Variants in LTV1 observed in about 807,000 individuals in gnomAD.
The protein encoded by LTV1 is LTV1 ribosome biogenesis factor, also known as protein LTV1 homolog.
LTV1 carries 39 observed loss-of-function variants against 59.9 expected under a neutral mutation model. The ratio of observed to expected loss-of-function variants is 0.65; its 90% confidence interval spans 0.50 to 0.85. The LOEUF is 0.85. Ranked by LOEUF, LTV1 falls within the 40% of genes least tolerant of loss-of-function variation. LTV1 has a pLI of 0.00. For missense variants in LTV1, 493 were observed against 549.1 expected, an observed-to-expected ratio of 0.90 and a Z score of 1.02; for synonymous variants, 171 against 189.5, an observed-to-expected ratio of 0.90 and a Z score of 0.80.
chr6:143,863,516 C>T lies in LTV1; in HGVS notation c.1417C>T (p.Leu473=). The T allele has an allele frequency of 6.2e-7, 1 of 1,612,228 alleles. No homozygotes were observed. Among genetic ancestry groups the T allele is most frequent in the East Asian group, 2.2e-5 (1 of 44,832 alleles). The change falls in exon 11 of 11, where the codon CTA becomes TTA. Residue 473 remains leucine, a synonymous_variant. Coordinates refer to ENST00000367576, the MANE Select transcript of LTV1 (RefSeq NM_032860.5). This position sits in a 1 kb window ranked among gnomAD's most constrained non-coding sequence, Gnocchi z 4.5. ...GAACTTGAAGAAGAATGTTGAGGGT[C>T]TAAAGCTATAGACAGTGGAGCATAC... ...LLNLKKNVEG[L]KL is the part of the protein sequence containing the mutation.
intron 6 of LTV1, among the ~76,000 whole-genome samples, chr6:143,859,776 C>CT (rs1777133395): frequency 1.3e-5 from 2 of 152,170 alleles, no homozygotes; most frequent in Non-Finnish European, 2.9e-5. Context: ...TTTTCAGTTG[C>CT]ACAATCTTTT....
At chr6:143,844,142 T>TA (rs1304887903) in intron 1 of LTV1, among the ~76,000 whole-genome samples, 5 of 152,242 alleles carry the variant, frequency 3.3e-5, no homozygotes, top group Admixed American at 6.5e-5. Context: ...GCAGCCAGTG[T>TA]AAAGTAGCTT....
intron 3 of LTV1, among the ~76,000 whole-genome samples, chr6:143,848,797 A>G (rs1776938111): frequency 6.6e-6 from 1 of 152,240 alleles, no homozygotes; most frequent in African/African-American, 2.4e-5. Flanking sequence ...GTCGGAGGGT[A>G]GGAACCGAGC....
chr6:143,853,380 G>C (rs1237965632), intron 4 of LTV1, among the ~76,000 whole-genome samples: 1 of 152,134 alleles, frequency 6.6e-6, no homozygotes, highest in Non-Finnish European at 1.5e-5. Context: ...GAGATGATGG[G>C]GTTTTCTAAA....
chr6:143,849,568 A>G (rs1776948049), intron 3 of LTV1, among the ~76,000 whole-genome samples: 1 of 152,204 alleles, frequency 6.6e-6, no homozygotes, highest in South Asian at 2.1e-4. Flanking sequence ...ATTGTGATGT[A>G]TTATAGAGAG....
intron 3 of LTV1, among the ~76,000 whole-genome samples, chr6:143,847,468 T>C: frequency 6.6e-6 from 1 of 152,224 alleles, no homozygotes; most frequent in South Asian, 2.1e-4. Context: ...TTCAAGCGAT[T>C]CTCCTGCCTC....
intron 3 of LTV1, among the ~76,000 whole-genome samples, chr6:143,848,117 G>C (rs761428941): frequency 1.4e-4 from 22 of 152,274 alleles, no homozygotes; most frequent in Non-Finnish European, 2.8e-4. Context: ...TCTTAATCGT[G>C]TATGTGATTG....
At chr6:143,856,866 A>G (rs569391332) in intron 4 of LTV1, among the ~76,000 whole-genome samples, 8 of 152,306 alleles carry the variant, frequency 5.3e-5, no homozygotes, top group Non-Finnish European at 7.3e-5. Flanking sequence ...TGAGGTGTCT[A>G]TTGACCCCTG....
intron 2 of LTV1, among the ~76,000 whole-genome samples, chr6:143,845,271 A>T (rs953988677): frequency 1.6e-4 from 24 of 151,956 alleles, no homozygotes; most frequent in African/African-American, 5.8e-4. Flanking sequence ...TATGAAACAG[A>T]GTGTTGGGAA....
At chr6:143,845,240 A>G (rs188141885) in intron 2 of LTV1, among the ~76,000 whole-genome samples, 106 of 152,278 alleles carry the variant, frequency 7.0e-4, no homozygotes, top group Middle Eastern at 3.4e-3. Context: ...ATGTTACACA[A>G]CACTTATTAA....
chr6:143,856,452 A>G (rs1362036749), intron 4 of LTV1, among the ~76,000 whole-genome samples: 5 of 152,200 alleles, frequency 3.3e-5, no homozygotes, highest in South Asian at 4.1e-4. Flanking sequence ...CATCAAACGC[A>G]TTCTCCGTCC....
In LTV1 at chr6:143,863,375, A is replaced by AT. The variant is rs753749937; in HGVS notation, c.1318-42_1318-41insT. ...TTGTAAAAGCAGTCTGTATCAGTTT[A>AT]AAGATGTGAATAATACAAGTATATT... is the stretch of plus-strand genomic sequence containing the variant. On this transcript the variant is annotated intron_variant, in intron 10 of 10. Coordinates refer to ENST00000367576, the MANE Select transcript of LTV1 (RefSeq NM_032860.5). This position sits in a 1 kb window ranked among gnomAD's most constrained non-coding sequence, Gnocchi z 4.5. 98 of 1,594,986 alleles carry AT rather than the reference A, an allele frequency of 6.1e-5. No individual in the cohort carries two copies. The East Asian group carries it at 2.1e-3, about 35-fold the overall frequency.
Position 143,850,107 on chromosome 6 carries a change from C to T in LTV1, c.310-24C>T, listed in dbSNP as rs771297474. The T allele has an allele frequency of 3.2e-6, 5 of 1,586,940 alleles. No individual in the cohort carries two copies. The Admixed American group carries it at 8.5e-5, about 27-fold the overall frequency. ...AAGAAGAATTTCCAAATAAACCTAA[C>T]CATTGTGCAATTTCTTTTTCAAGAG... is the stretch of plus-strand genomic sequence containing the variant. On this transcript the variant is annotated intron_variant, in intron 3 of 10. Transcript: ENST00000367576.
At chr6:143,844,340 C>A in intron 1 of LTV1, 146 bp from the exon 2 acceptor site, 1 of 772,656 alleles carries the variant, frequency 1.3e-6, no homozygotes, top group Non-Finnish European at 2.0e-6. Flanking sequence ...TTCTGCAGAA[C>A]ACAGCTGATG....
chr6:143,853,936 G>A (rs1037864370), intron 4 of LTV1, among the ~76,000 whole-genome samples: 1 of 152,160 alleles, frequency 6.6e-6, no homozygotes. Flanking sequence ...TCTCTGCCAG[G>A]TTTTGGTATC....
intron 4 of LTV1, among the ~76,000 whole-genome samples, chr6:143,854,676 TTTATTTCTACC>T (rs1777044289): frequency 6.6e-6 from 1 of 152,214 alleles, no homozygotes; most frequent in Non-Finnish European, 1.5e-5. Context: ...GAAGAACTTA[TTTATTTCTACC>T]TTATTTTTGT....
chr6:143,846,370 A>G (rs1776890883), intron 3 of LTV1, 146 bp downstream of exon 3: 2 of 712,540 alleles, frequency 2.8e-6, no homozygotes, highest in Non-Finnish European at 4.6e-6. Context: ...ATGTGTATGC[A>G]TGTGTATACC....
chr6:143,861,158 A>G (rs1040521174), intron 7 of LTV1, among the ~76,000 whole-genome samples: 1 of 152,106 alleles, frequency 6.6e-6, no homozygotes, highest in Non-Finnish European at 1.5e-5. Context: ...CGGTCTCCCA[A>G]AGTGCTGGGA....
chr6:143,858,233 G>C, intron 6 of LTV1: 1 of 512,056 alleles, frequency 2.0e-6, no homozygotes, highest in Non-Finnish European at 3.6e-6. Flanking sequence ...CTGTGCAGAA[G>C]AAGAGTAATT....
Sources: gnomAD v4.1 joint callset for allele counts (sites outside exome capture counted in the v4.1 genomes callset) on GRCh38, gnomAD v4.1.1 for gene constraint, Gnocchi (gnomAD v3.1) non-coding constraint, MANE v1.5 for transcripts, NCBI Gene and HGNC (gene_info 2026-07-23, HGNC 2026-07-21) for gene names.